The following PDZRN3 variants were observed in gnomAD, a reference collection of about 807,000 sequenced individuals.
The protein encoded by PDZRN3 is PDZ domain containing ring finger 3, also known as E3 ubiquitin-protein ligase PDZRN3.
A neutral mutation model predicts 85.7 loss-of-function variants in PDZRN3; 38 were observed. The observed-to-expected ratio is 0.44, with a 90% CI of 0.34 to 0.58. The LOEUF (loss-of-function observed/expected upper bound fraction) is 0.58, where lower values mean the gene tolerates loss of function less well. Among genes scored for constraint, PDZRN3 ranks in the 20% least tolerant of loss-of-function variants. The pLI is 0.01. For synonymous variants in PDZRN3, 759 were observed against 638.0 expected (o/e 1.19, Z -2.86); for missense variants, 1,629 against 1,506.4 (o/e 1.08, Z -1.35).
chr3:73,528,344 C>A (rs1704573368), intron 3 of PDZRN3, among the ~76,000 whole-genome samples: 1 of 152,134 alleles, frequency 6.6e-6, no homozygotes, highest in African/African-American at 2.4e-5. Flanking sequence ...TAGAGAAAAA[C>A]ATTTCAATGG....
Position 73,561,795 on chromosome 3 carries a change from C to A in PDZRN3, c.918+40559G>T, listed in dbSNP as rs148165854. ...TTGGGCCAGAACTCCTGAAATCCCACGTCTCAATTCCTGGACAAGCAAACT... is the reference window on the plus strand; with the variant it reads ...TTGGGCCAGAACTCCTGAAATCCCAAGTCTCAATTCCTGGACAAGCAAACT... On this transcript the variant is annotated intron_variant, in intron 3 of 9. Coordinates refer to ENST00000263666, the MANE Select transcript of PDZRN3 (RefSeq NM_015009.3). 2.9e-3 allele frequency among the ~76,000 whole-genome samples: 446 copies of A among 152,180 alleles called. 5 individuals are homozygous for A. The highest frequency in any genetic ancestry group is 9.9e-3 in the African/African-American group (411 of 41,504).
chr3:73,624,833 G>T lies in PDZRN3; in HGVS notation c.-8C>A. ...GTCCAGCTCGAAGCCCATGGTGGCG[G>T]CCAGGCCCCGGGGTCGCCGCCGGGC... On this transcript the variant is annotated 5_prime_UTR_variant, in exon 1 of 10. Transcript: ENST00000263666. 1 of 1,298,026 alleles carries T rather than the reference G, an allele frequency of 7.7e-7. No homozygotes were observed. Among genetic ancestry groups the T allele is most frequent in the Non-Finnish European group, 9.8e-7 (1 of 1,025,518 alleles). The allele number at this position is 1,298,026 out of a possible 1,614,324, so 80.4% of individuals were successfully genotyped here. A position where few individuals can be genotyped will look rare whatever the true frequency, so the allele number is the denominator to read the frequency against.
chr3:73,518,248 G>C (rs1352738509), intron 3 of PDZRN3, among the ~76,000 whole-genome samples: 1 of 152,214 alleles, frequency 6.6e-6, no homozygotes, highest in African/African-American at 2.4e-5. Context: ...AAATTAGCCA[G>C]TCATAAAAAG....
intron 3 of PDZRN3, among the ~76,000 whole-genome samples, chr3:73,458,050 G>A (rs955460531): frequency 5.9e-5 from 9 of 152,156 alleles, no homozygotes; most frequent in Non-Finnish European, 1.3e-4. Flanking sequence ...AGGCACACAG[G>A]GCTCAGAGAC....
intron 3 of PDZRN3, among the ~76,000 whole-genome samples, chr3:73,488,727 C>G (rs1226645709): frequency 2.6e-5 from 4 of 152,210 alleles, no homozygotes; most frequent in Non-Finnish European, 5.9e-5. Context: ...TAGGAGAACC[C>G]TGTGCTTGGG....
chr3:73,600,317 ACACACACACACACACACACACTCT>A (rs1702495317), intron 3 of PDZRN3, among the ~76,000 whole-genome samples: 1 of 86,186 alleles, frequency 1.2e-5, no homozygotes, highest in African/African-American at 4.9e-5. Flanking sequence ...ACACACACAC[ACACACACACACACACACACACTCT>A]CTCTCTCTCT....
chr3:73,386,245 T>TTTTTTTTTTTTTTA (rs1701383880), intron 8 of PDZRN3, among the ~76,000 whole-genome samples: 3 of 146,518 alleles, frequency 2.0e-5, no homozygotes, highest in Admixed American at 6.8e-5. Flanking sequence ...TTTTTTTTTT[T>TTTTTTTTTTTTTTA]GAGACAGAAT....
chr3:73,588,578 T>C (rs2106876623), intron 3 of PDZRN3, among the ~76,000 whole-genome samples: 1 of 152,240 alleles, frequency 6.6e-6, no homozygotes, highest in African/African-American at 2.4e-5. Context: ...CTACTCCCAC[T>C]AATTAGTTTT....
chr3:73,611,178 T>C (rs1004793976), intron 1 of PDZRN3, among the ~76,000 whole-genome samples: 3 of 152,178 alleles, frequency 2.0e-5, no homozygotes, highest in African/African-American at 7.2e-5. Flanking sequence ...TTCAAGATGG[T>C]TTTATTGTTG....
chr3:73,533,180 T>C (rs1049641960), intron 3 of PDZRN3, among the ~76,000 whole-genome samples: 6 of 152,258 alleles, frequency 3.9e-5, no homozygotes, highest in African/African-American at 1.4e-4. Flanking sequence ...TAACCTCATC[T>C]AGCAATCTCT....
chr3:73,624,419 G>C lies in PDZRN3; in HGVS notation c.407C>G (p.Ala136Gly), dbSNP rs1447646381. The C allele has an allele frequency of 1.4e-5, 18 of 1,301,626 alleles. No individual in the cohort carries two copies. In the African/African-American group the frequency reaches 2.8e-4, roughly 20 times the overall value. 80.6% of individuals were successfully genotyped at this position (1,301,626 alleles called of 1,614,324 possible). The change falls in exon 1 of 10, where the codon GCG (alanine) becomes GGG (glycine). Residue 136 changes from alanine to glycine, a missense_variant. Ala to Gly is a moderately conservative substitution (Grantham distance 60, BLOSUM62 0). Transcript: ENST00000263666. ...CTCCTGGCAGCGGCCCACTGGCCGC[G>C]CGTCGCAGGCGTCGCGCATGTGCGC... ...VEAHMRDACD[A>G]RPVGRCQEGC...
chr3:73,565,363 T>C (rs1272876304), intron 3 of PDZRN3, among the ~76,000 whole-genome samples: 1 of 151,808 alleles, frequency 6.6e-6, no homozygotes, highest in Non-Finnish European at 1.5e-5. Context: ...CTCCTGACCT[T>C]GTGATCCGCC....
chr3:73,506,159 C>T (rs1407608806), intron 3 of PDZRN3, among the ~76,000 whole-genome samples: 1 of 152,200 alleles, frequency 6.6e-6, no homozygotes, highest in African/African-American at 2.4e-5. Flanking sequence ...TGAATATCAA[C>T]ATAAGCAGAA....
At chr3:73,433,923 C>T (rs972187842) in intron 3 of PDZRN3, 28 of 1,418,382 alleles carry the variant, frequency 2.0e-5, no homozygotes, top group Middle Eastern at 5.2e-4. Flanking sequence ...TGCATGCACG[C>T]GCGTGCACAC....
intron 3 of PDZRN3, among the ~76,000 whole-genome samples, chr3:73,428,234 G>T (rs76198544): frequency 6.6e-6 from 1 of 152,014 alleles, no homozygotes; most frequent in African/African-American, 2.4e-5. Context: ...TGAGCACCTC[G>T]GTTCTCAGCA....
At position 73,386,015 on chromosome 3, in the gene PDZRN3, A is replaced by AT. The variant is rs113116274; in HGVS notation, c.1519-231dup. 6.5e-3 allele frequency among the ~76,000 whole-genome samples: 960 copies of AT among 146,814 alleles called. 8 individuals carry two copies. Among genetic ancestry groups the AT allele is most frequent in the African/African-American group, 0.021 (848 of 40,134 alleles). On this transcript the variant is annotated intron_variant, in intron 8 of 9. Transcript: ENST00000263666. ...TCTGGGGAAGTCTTTAATATCCATG[A>AT]TTTTTTTTTTTCAGGGTGAAACTCT...
rs554611562 is a variant in PDZRN3, at chr3:73,541,669, T to C, written c.918+60685A>G. Among the ~76,000 whole-genome samples the C allele has an allele frequency of 2.0e-5, 3 of 152,352 alleles. No homozygotes were observed. In the South Asian group the frequency reaches 6.2e-4, roughly 32 times the overall value. ...ACATGTTGGACTTCTATAGCAATTTTTTTGAATAACTATTAGCAAAGTCTC... is the reference window on the plus strand; with the variant it reads ...ACATGTTGGACTTCTATAGCAATTTCTTTGAATAACTATTAGCAAAGTCTC... On this transcript the variant is annotated intron_variant, in intron 3 of 9. Transcript: ENST00000263666.
At position 73,624,913 on chromosome 3, in the gene PDZRN3, C is replaced by T. The variant is rs1559538401; in HGVS notation, c.-88G>A. The T allele has an allele frequency of 9.5e-7, 1 of 1,056,208 alleles. No individual in the cohort carries two copies. Among genetic ancestry groups the T allele is most frequent in the Non-Finnish European group, 1.2e-6 (1 of 825,970 alleles). 65.4% of individuals were successfully genotyped at this position (1,056,208 alleles called of 1,614,324 possible). On this transcript the variant is annotated 5_prime_UTR_variant, in exon 1 of 10. Transcript: ENST00000263666. ...CGGCCCAGACAGGCCGGCTACGCCG[C>T]CCGCGCGCTCGCTGGCTCTCCCCGG...
At chr3:73,572,536 C>G (rs80297420) in intron 3 of PDZRN3, among the ~76,000 whole-genome samples, 9,756 of 152,246 alleles carry the variant, frequency 0.064, 1,018 homozygotes, top group African/African-American at 0.22. Flanking sequence ...CTGGGGATCT[C>G]TGTGTGAACA....
Sources: allele counts gnomAD v4.1 joint callset (sites outside exome capture counted in the v4.1 genomes callset), GRCh38; gene constraint gnomAD v4.1.1; transcripts MANE v1.5; gene names NCBI Gene and HGNC (gene_info 2026-07-23, HGNC 2026-07-21).